VTI1A: variants seen among roughly 807,000 people sequenced by gnomAD.
The protein encoded by VTI1A is vesicle transport through interaction with t-SNAREs 1A, also known as vesicle transport through interaction with t-SNAREs homolog 1A.
VTI1A carries 22 observed loss-of-function variants against 34.9 expected under a neutral mutation model. That is an observed-to-expected ratio of 0.63 (90% CI 0.45 to 0.90). The LOEUF is 0.90. VTI1A is among the 40% of genes least tolerant of loss of function. VTI1A has a pLI of 0.00. For missense variants in VTI1A, 268 were observed against 275.6 expected (o/e 0.97, Z 0.20); for synonymous variants, 87 against 97.3 (o/e 0.89, Z 0.62).
intron 5 of VTI1A, among the ~76,000 whole-genome samples, chr10:112,565,451 T>C (rs1243150829): frequency 1.3e-5 from 2 of 152,182 alleles, no homozygotes; most frequent in Non-Finnish European, 2.9e-5. Flanking sequence ...ATACATTTTA[T>C]TTATATTTAC....
intron 3 of VTI1A, among the ~76,000 whole-genome samples, chr10:112,485,922 A>G (rs1194943337): frequency 6.6e-6 from 1 of 152,120 alleles, no homozygotes; most frequent in Non-Finnish European, 1.5e-5. Context: ...AACTGCAGAG[A>G]TGTATATATT....
At chr10:112,568,261 C>G (rs951506037) in intron 5 of VTI1A, among the ~76,000 whole-genome samples, 2 of 152,122 alleles carry the variant, frequency 1.3e-5, no homozygotes, top group African/African-American at 4.8e-5. Flanking sequence ...AATCCCAGCA[C>G]TTTGAGAGGC....
At chr10:112,770,541 G>T (rs571944292) in intron 7 of VTI1A, among the ~76,000 whole-genome samples, 1 of 150,670 alleles carries the variant, frequency 6.6e-6, no homozygotes, top group Non-Finnish European at 1.5e-5. Flanking sequence ...GACTACAGGC[G>T]CCTGTCACCA....
chr10:112,645,631 C>T (rs1324178345), intron 5 of VTI1A, among the ~76,000 whole-genome samples: 1 of 152,098 alleles, frequency 6.6e-6, no homozygotes, highest in African/African-American at 2.4e-5. Flanking sequence ...GCTTGATATG[C>T]CATTTAGAAA....
At chr10:112,522,111 T>C (rs1850047806) in intron 3 of VTI1A, among the ~76,000 whole-genome samples, 1 of 152,096 alleles carries the variant, frequency 6.6e-6, no homozygotes, top group African/African-American at 2.4e-5. Flanking sequence ...ATCAATATAA[T>C]TTCATGGTTT....
chr10:112,521,961 G>A (rs1172442338), intron 3 of VTI1A, among the ~76,000 whole-genome samples: 1 of 151,874 alleles, frequency 6.6e-6, no homozygotes, highest in East Asian at 1.9e-4. Context: ...TAGAAGTGAG[G>A]CTAAAAATGG....
intron 3 of VTI1A, among the ~76,000 whole-genome samples, chr10:112,472,119 C>G (rs771577986): frequency 6.6e-6 from 1 of 152,192 alleles, no homozygotes; most frequent in Non-Finnish European, 1.5e-5. Context: ...CAAAGCTGAA[C>G]TTCCTTTAAG....
At position 112,631,053 on chromosome 10, in the gene VTI1A, C is replaced by T. The variant is rs112264245; in HGVS notation, c.428-37165C>T. Among the ~76,000 whole-genome samples the T allele has an allele frequency of 7.7e-3, 1,169 of 151,820 alleles. 15 individuals are homozygous for T. The highest frequency in any genetic ancestry group is 0.027 in the African/African-American group (1,112 of 41,410). ...AGGAGAATCGCTTGAACCCGGGAGC[C>T]GGGAGGTGGAGGTTGCAGTGAGCCG... On this transcript the variant is annotated intron_variant, in intron 5 of 7. Coordinates refer to ENST00000393077, the MANE Select transcript of VTI1A (RefSeq NM_145206.4).
intron 7 of VTI1A, among the ~76,000 whole-genome samples, chr10:112,745,240 T>C (rs367572308): frequency 2.0e-5 from 3 of 152,302 alleles, no homozygotes; most frequent in African/African-American, 7.2e-5. Context: ...TTGTTTTTTT[T>C]TTAATGATTG....
chr10:112,812,117 C>T (rs1309576500), intron 7 of VTI1A, among the ~76,000 whole-genome samples: 1 of 152,256 alleles, frequency 6.6e-6, no homozygotes, highest in Non-Finnish European at 1.5e-5. Context: ...TTTAAAGCCA[C>T]AGTGTGCTCA....
At chr10:112,461,042 T>A (rs776167243) in intron 2 of VTI1A, among the ~76,000 whole-genome samples, 1 of 152,218 alleles carries the variant, frequency 6.6e-6, no homozygotes, top group Non-Finnish European at 1.5e-5. Context: ...GTCTCATGTC[T>A]TCTCTAAGAC....
intron 5 of VTI1A, among the ~76,000 whole-genome samples, chr10:112,639,648 A>T (rs905982947): frequency 1.3e-5 from 2 of 152,222 alleles, no homozygotes; most frequent in East Asian, 3.8e-4. Flanking sequence ...AAACACTAAC[A>T]TCCAAGTGTT....
intron 2 of VTI1A, among the ~76,000 whole-genome samples, chr10:112,461,222 C>T (rs181062117): frequency 4.6e-5 from 7 of 152,304 alleles, no homozygotes; most frequent in Admixed American, 2.0e-4. Flanking sequence ...AGGAATAGAA[C>T]GAGAGCCTAG....
At chr10:112,739,067 T>C (rs1009242499) in intron 7 of VTI1A, among the ~76,000 whole-genome samples, 39 of 152,128 alleles carry the variant, frequency 2.6e-4, no homozygotes, top group African/African-American at 9.2e-4. Flanking sequence ...TGCACTCTGG[T>C]TGCATTTCCC....
At position 112,673,163 on chromosome 10, in the gene VTI1A, CA is replaced by C. The variant is rs889288648; in HGVS notation, c.560+4173del. 1.7e-4 allele frequency among the ~76,000 whole-genome samples: 26 copies of C among 151,432 alleles called. 1 individual carries two copies. The highest frequency in any genetic ancestry group is 6.0e-4 in the African/African-American group (25 of 41,328). ...GAAACCTCACCTCTACTAAAAAATA[CA>C]AAAAAAATTCGCCAGGTGCAGTAGC... On this transcript the variant is annotated intron_variant, in intron 7 of 7. Transcript: ENST00000393077.
At chr10:112,617,924 G>C (rs148749991) in intron 5 of VTI1A, among the ~76,000 whole-genome samples, 1,853 of 152,248 alleles carry the variant, frequency 0.012, 42 homozygotes, top group African/African-American at 0.043. Flanking sequence ...GGAGGCCGAG[G>C]TGGCTGGATT....
At chr10:112,748,819 C>T (rs372422126) in intron 7 of VTI1A, among the ~76,000 whole-genome samples, 2 of 151,438 alleles carry the variant, frequency 1.3e-5, no homozygotes, top group Non-Finnish European at 2.9e-5. Context: ...TTAGTAGAGA[C>T]GGGGTTTCAC....
At chr10:112,568,352 C>CA (rs1208769595) in intron 5 of VTI1A, among the ~76,000 whole-genome samples, 1 of 151,926 alleles carries the variant, frequency 6.6e-6, no homozygotes, top group Non-Finnish European at 1.5e-5. Context: ...ACTAAAAATA[C>CA]AAAAATTAGC....
chr10:112,766,108 T>C lies in VTI1A; in HGVS notation c.561-49182T>C, dbSNP rs188239649. ...AAGCAAGAGAAAGGAGAGAGTGGTA[T>C]GAGGTCAGGGCCAGACCTATAGGTG... On this transcript the variant is annotated intron_variant, in intron 7 of 7. Transcript: ENST00000393077. Among the ~76,000 whole-genome samples, 313 of 152,280 alleles carry C rather than the reference T, an allele frequency of 2.1e-3. 3 individuals are homozygous for C. Among genetic ancestry groups the C allele is most frequent in the Non-Finnish European group, 3.3e-3 (226 of 68,020 alleles).
Sources: gnomAD v4.1 joint callset for allele counts (sites outside exome capture counted in the v4.1 genomes callset) on GRCh38, gnomAD v4.1.1 for gene constraint, MANE v1.5 for transcripts, NCBI Gene and HGNC (gene_info 2026-07-23, HGNC 2026-07-21) for gene names.